Variants in KANSL1 observed in about 807,000 individuals in gnomAD.
KANSL1 encodes MLL1/MLL complex subunit KANSL1.
Under a neutral mutation model 103.6 loss-of-function variants are expected in KANSL1, and 22 were observed. That is an observed-to-expected ratio of 0.21 (90% CI 0.15 to 0.30). KANSL1 has a LOEUF of 0.30. Ranked by LOEUF, KANSL1 falls within the 10% of genes least tolerant of loss-of-function variation. The pLI is 1.00. For missense variants in KANSL1, 1,337 were observed against 1,399.8 expected, an observed-to-expected ratio of 0.96 and a Z score of 0.72; for synonymous variants, 600 against 527.6, an observed-to-expected ratio of 1.14 and a Z score of -1.88.
intron 1 of KANSL1, among the ~76,000 whole-genome samples, chr17:46,191,723 G>A (rs1478318119): frequency 2.0e-5 from 3 of 152,294 alleles, no homozygotes; most frequent in East Asian, 1.9e-4. Flanking sequence ...CCTCTGAGCT[G>A]CAATTTAAAA....
chr17:46,169,363 A>C (rs1177281772), intron 2 of KANSL1, among the ~76,000 whole-genome samples: 1 of 152,252 alleles, frequency 6.6e-6, no homozygotes, highest in Non-Finnish European at 1.5e-5. Context: ...ACAAGGAAGA[A>C]ATTCAGCAAA....
chr17:46,075,309 G>A (rs917993706), intron 4 of KANSL1, among the ~76,000 whole-genome samples: 5 of 152,142 alleles, frequency 3.3e-5, no homozygotes, highest in South Asian at 2.1e-4. Context: ...AGCTCCGTAC[G>A]GAGACTCTGT....
chr17:46,140,152 T>C (rs1249019747), intron 2 of KANSL1, among the ~76,000 whole-genome samples: 1 of 152,198 alleles, frequency 6.6e-6, no homozygotes, highest in Non-Finnish European at 1.5e-5. Flanking sequence ...ATATATATTT[T>C]TGTTGCCAAA....
intron 2 of KANSL1, among the ~76,000 whole-genome samples, chr17:46,135,542 ATTT>A (rs34258265): frequency 1.6e-4 from 19 of 119,020 alleles, no homozygotes; most frequent in East Asian, 2.5e-4. Context: ...TCAACTATAC[ATTT>A]TTTTTTTTTT....
intron 4 of KANSL1, among the ~76,000 whole-genome samples, chr17:46,071,073 A>T (rs2078559611): frequency 6.6e-6 from 1 of 152,178 alleles, no homozygotes; most frequent in South Asian, 2.1e-4. Flanking sequence ...CTTGTTTCTC[A>T]TGTCTGCAGG....
intron 2 of KANSL1, among the ~76,000 whole-genome samples, chr17:46,164,396 G>C (rs1211389387): frequency 6.6e-6 from 1 of 152,208 alleles, no homozygotes; most frequent in Non-Finnish European, 1.5e-5. Flanking sequence ...AAAAACACAA[G>C]TTCCTACTTC....
At chr17:46,039,959 C>T in intron 7 of KANSL1, 75 bp from the exon 8 acceptor site, 2 of 1,394,720 alleles carry the variant, frequency 1.4e-6, no homozygotes, top group Non-Finnish European at 2.0e-6. Context: ...ACACTCCATC[C>T]TCCTTTAATT....
intron 6 of KANSL1, among the ~76,000 whole-genome samples, chr17:46,059,912 G>A (rs550821296): frequency 4.6e-5 from 7 of 151,930 alleles, no homozygotes; most frequent in African/African-American, 1.2e-4. Context: ...CCAGCCTGGC[G>A]ACAGAGCGAG....
chr17:46,211,815 G>T (rs2048177495), intron 1 of KANSL1, among the ~76,000 whole-genome samples: 3 of 152,232 alleles, frequency 2.0e-5, no homozygotes, highest in Non-Finnish European at 4.4e-5. Flanking sequence ...TGTGGATTGT[G>T]TTACCACAAT....
chr17:46,120,059 AAGAG>A (rs2043213287), intron 2 of KANSL1: 1 of 152,262 alleles, frequency 6.6e-6, no homozygotes, highest in African/African-American at 2.4e-5. Context: ...TCTGAAGAAG[AAGAG>A]AGAGGGGTGG....
Position 46,116,317 on chromosome 17 carries a change from T to C in KANSL1, c.1290-21616A>G, listed in dbSNP as rs565234805. 4.4e-3 allele frequency among the ~76,000 whole-genome samples: 664 copies of C among 152,202 alleles called. 4 individuals are homozygous for C. Among genetic ancestry groups the C allele is most frequent in the Non-Finnish European group, 7.2e-3 (488 of 68,016 alleles). ...AGGCCAAGGCAGGCGGATCACGAGG[T>C]CAGAGGATCAAGACCATCCTGGCTA... On this transcript the variant is annotated intron_variant, in intron 2 of 14. Coordinates refer to ENST00000432791, the MANE Select transcript of KANSL1 (RefSeq NM_015443.4).
chr17:46,134,677 CA>C (rs139940720), intron 2 of KANSL1, among the ~76,000 whole-genome samples: 52 of 148,700 alleles, frequency 3.5e-4, no homozygotes, highest in African/African-American at 3.2e-4. Flanking sequence ...CCACCTCTAC[CA>C]AAAAAAAAAT....
In KANSL1 at chr17:46,038,555, C is replaced by G. The variant is rs758243969; in HGVS notation, c.2524G>C (p.Val842Leu). The change falls in exon 10 of 15, where the codon GTT becomes CTT. Residue 842 changes from valine to leucine, a missense_variant. Coordinates refer to ENST00000432791, the MANE Select transcript of KANSL1 (RefSeq NM_015443.4). ...GTACTTACCGATGTGCTGGCTGTAA[C>G]CTGTGAGCTAGAGCTGGCGGGTGCA... ...SPAPASSSSQ[V>L]TASTSQQPVR... 3 of 1,614,032 alleles carry G rather than the reference C, an allele frequency of 1.9e-6. No individual in the cohort carries two copies.
chr17:46,049,611 G>A (rs74977736), intron 7 of KANSL1: 1 of 152,106 alleles, frequency 6.6e-6, no homozygotes, highest in Non-Finnish European at 1.5e-5. Flanking sequence ...CCACGACACC[G>A]AGCCTCAAGA....
intron 1 of KANSL1, among the ~76,000 whole-genome samples, chr17:46,179,017 A>G (rs367958807): frequency 6.6e-6 from 1 of 152,216 alleles, no homozygotes; most frequent in African/African-American, 2.4e-5. Context: ...CCTAACCACT[A>G]ACTGACATCT....
chr17:46,146,333 G>T (rs945516962), intron 2 of KANSL1, among the ~76,000 whole-genome samples: 20 of 152,202 alleles, frequency 1.3e-4, no homozygotes, highest in Admixed American at 6.5e-4. Flanking sequence ...TTTACAGAGA[G>T]GGAAATCAAT....
intron 2 of KANSL1, among the ~76,000 whole-genome samples, chr17:46,166,318 C>T (rs2045998186): frequency 6.6e-6 from 1 of 152,058 alleles, no homozygotes. Context: ...TCGAGACCAG[C>T]CTGAGCAACA....
At chr17:46,167,411 A>T (rs1156585129) in intron 2 of KANSL1, among the ~76,000 whole-genome samples, 1 of 152,232 alleles carries the variant, frequency 6.6e-6, no homozygotes, top group Non-Finnish European at 1.5e-5. Context: ...AAACATTAAG[A>T]TATTTACGGA....
chr17:46,153,803 G>A (rs1260772572), intron 2 of KANSL1, among the ~76,000 whole-genome samples: 1 of 152,234 alleles, frequency 6.6e-6, no homozygotes, highest in Admixed American at 6.5e-5. Context: ...GACCCTGAAG[G>A]AATCGCAATG....
Sources: allele counts gnomAD v4.1 joint callset (sites outside exome capture counted in the v4.1 genomes callset), GRCh38; gene constraint gnomAD v4.1.1; transcripts MANE v1.5; gene names NCBI Gene and HGNC (gene_info 2026-07-23, HGNC 2026-07-21).